The following DENND1A variants were observed in gnomAD, a reference collection of about 807,000 sequenced individuals.
DENND1A encodes the protein DENN domain-containing protein 1A.
In DENND1A, 51 loss-of-function variants were observed where a neutral mutation model predicts 113.7. The observed-to-expected ratio is 0.45, with a 90% CI of 0.36 to 0.57. DENND1A has a LOEUF of 0.57. DENND1A is among the 20% of genes least tolerant of loss of function. The pLI is 0.00. For synonymous variants in DENND1A, 565 were observed against 570.8 expected, an observed-to-expected ratio of 0.99 and a Z score of 0.14; for missense variants, 1,258 against 1,395.9, an observed-to-expected ratio of 0.90 and a Z score of 1.57.
intron 13 of DENND1A, among the ~76,000 whole-genome samples, chr9:123,472,928 C>T (rs1183857997): frequency 6.6e-6 from 1 of 152,142 alleles, no homozygotes; most frequent in Non-Finnish European, 1.5e-5. Context: ...GAGGATTAAC[C>T]CAGGGCAAGC....
At chr9:123,924,160 G>A (rs533193790) in intron 1 of DENND1A, among the ~76,000 whole-genome samples, 21 of 152,294 alleles carry the variant, frequency 1.4e-4, no homozygotes, top group African/African-American at 3.6e-4. Flanking sequence ...AAGAAGCCAC[G>A]CAGGACGGGT....
chr9:123,540,993 T>C (rs946426567), intron 13 of DENND1A, among the ~76,000 whole-genome samples: 1 of 152,216 alleles, frequency 6.6e-6, no homozygotes, highest in African/African-American at 2.4e-5. Flanking sequence ...GAGCTTTCTC[T>C]ATCTTCTTCC....
At chr9:123,575,693 T>C (rs1403119316) in intron 12 of DENND1A, among the ~76,000 whole-genome samples, 3 of 152,176 alleles carry the variant, frequency 2.0e-5, no homozygotes, top group African/African-American at 4.8e-5. Flanking sequence ...CACACCCAAG[T>C]AGGGGCAAGG....
intron 13 of DENND1A, among the ~76,000 whole-genome samples, chr9:123,504,483 T>C (rs564935004): frequency 1.3e-3 from 200 of 152,286 alleles, no homozygotes; most frequent in African/African-American, 4.4e-3. Flanking sequence ...AATGACAGAG[T>C]GTTTTTAAGT....
chr9:123,800,168 T>A (rs1047628318), intron 2 of DENND1A, among the ~76,000 whole-genome samples: 2 of 152,266 alleles, frequency 1.3e-5, no homozygotes, highest in Non-Finnish European at 2.9e-5. Context: ...TTGCTAATGA[T>A]CTGTAAACAT....
At chr9:123,582,817 A>G (rs1435171351) in intron 12 of DENND1A, among the ~76,000 whole-genome samples, 1 of 152,124 alleles carries the variant, frequency 6.6e-6, no homozygotes, top group African/African-American at 2.4e-5. Flanking sequence ...CTCCTGCCTC[A>G]GCTCCCGAGT....
chr9:123,605,789 C>T (rs2137557481), intron 11 of DENND1A, among the ~76,000 whole-genome samples: 1 of 152,244 alleles, frequency 6.6e-6, no homozygotes, highest in African/African-American at 2.4e-5. Flanking sequence ...TCTTTTTGTG[C>T]AACAAATTTG....
chr9:123,742,570 G>C (rs1031448153), intron 5 of DENND1A, among the ~76,000 whole-genome samples: 1 of 152,178 alleles, frequency 6.6e-6, no homozygotes, highest in African/African-American at 2.4e-5. Flanking sequence ...TTCATCCTTA[G>C]GGTAGACGAA....
chr9:123,658,108 A>C (rs2063053752), intron 8 of DENND1A, among the ~76,000 whole-genome samples: 1 of 152,222 alleles, frequency 6.6e-6, no homozygotes. Context: ...TTTCTATATC[A>C]TGGCGCATCT....
At chr9:123,577,909 C>T (rs1265474971) in intron 12 of DENND1A, among the ~76,000 whole-genome samples, 1 of 152,194 alleles carries the variant, frequency 6.6e-6, no homozygotes, top group African/African-American at 2.4e-5. Context: ...ACTATCAAGT[C>T]ATGCCCTACT....
intron 4 of DENND1A, among the ~76,000 whole-genome samples, chr9:123,765,300 G>A (rs1404845882): frequency 6.6e-6 from 1 of 152,070 alleles, no homozygotes; most frequent in Admixed American, 6.5e-5. Context: ...TGAGACCTTG[G>A]GTAGTTATCA....
intron 1 of DENND1A, among the ~76,000 whole-genome samples, chr9:123,904,875 T>C (rs185147046): frequency 0.037 from 5,568 of 151,764 alleles, 105 homozygotes; most frequent in Non-Finnish European, 0.042. Context: ...AGATACTCCT[T>C]GAGAAGAGCA....
intron 13 of DENND1A, among the ~76,000 whole-genome samples, chr9:123,474,215 G>T (rs1314579884): frequency 6.6e-6 from 1 of 151,922 alleles, no homozygotes; most frequent in African/African-American, 2.4e-5. Flanking sequence ...GGCTGGTCTC[G>T]AATTCCTGAC....
At chr9:123,442,999 C>A (rs190675057) in intron 18 of DENND1A, among the ~76,000 whole-genome samples, 3 of 152,158 alleles carry the variant, frequency 2.0e-5, no homozygotes, top group Non-Finnish European at 4.4e-5. Flanking sequence ...CCTGTGTGGA[C>A]GGCCTACCCC....
At chr9:123,812,377 T>G (rs922225947) in intron 2 of DENND1A, among the ~76,000 whole-genome samples, 1 of 152,134 alleles carries the variant, frequency 6.6e-6, no homozygotes, top group Admixed American at 6.6e-5. Context: ...TAAGTCACAA[T>G]TTATCCATTT....
chr9:123,847,447 T>G (rs1416904892), intron 2 of DENND1A, among the ~76,000 whole-genome samples: 1 of 152,088 alleles, frequency 6.6e-6, no homozygotes, highest in Non-Finnish European at 1.5e-5. Context: ...ACAAAAATAT[T>G]AATTATAATG....
intron 1 of DENND1A, among the ~76,000 whole-genome samples, chr9:123,912,028 G>C (rs1249142996): frequency 6.6e-6 from 1 of 152,070 alleles, no homozygotes; most frequent in Non-Finnish European, 1.5e-5. Flanking sequence ...ACTGGAAGGG[G>C]CATGAAAAGC....
intron 13 of DENND1A, among the ~76,000 whole-genome samples, chr9:123,516,483 A>C (rs1241027170): frequency 6.6e-6 from 1 of 152,208 alleles, no homozygotes; most frequent in African/African-American, 2.4e-5. Context: ...GTAATCAAGG[A>C]AACAAAAATT....
chr9:123,902,836 C>A (rs1283685953), intron 1 of DENND1A, among the ~76,000 whole-genome samples: 1 of 144,706 alleles, frequency 6.9e-6, no homozygotes, highest in Non-Finnish European at 1.5e-5. Context: ...GCCAATGTAA[C>A]CTTGATATCA....
Sources: allele counts gnomAD v4.1 joint callset (sites outside exome capture counted in the v4.1 genomes callset), GRCh38; gene constraint gnomAD v4.1.1; transcripts MANE v1.5; gene names NCBI Gene and HGNC (gene_info 2026-07-23, HGNC 2026-07-21).